The following DISC1 variants were observed in gnomAD, a reference collection of about 807,000 sequenced individuals.
The protein encoded by DISC1 is DISC1 scaffold protein.
In DISC1, 57 loss-of-function variants were observed where a neutral mutation model predicts 84.5. The ratio of observed to expected loss-of-function variants is 0.67; its 90% CI spans 0.55 to 0.84. The LOEUF is 0.84. Ranked by LOEUF, DISC1 falls within the 40% of genes least tolerant of loss-of-function variation. The pLI, the probability that DISC1 is intolerant of heterozygous loss-of-function variation, is 0.00. For missense variants in DISC1, 1,000 were observed against 1,057.8 expected, an observed-to-expected ratio of 0.95 and a Z score of 0.76; for synonymous variants, 411 against 415.2, an observed-to-expected ratio of 0.99 and a Z score of 0.12.
At chr1:231,688,283 C>T (rs530528214) in intron 1 of DISC1, among the ~76,000 whole-genome samples, 16 of 152,136 alleles carry the variant, frequency 1.1e-4, no homozygotes, top group Non-Finnish European at 1.9e-4. Context: ...GTTTGCTACT[C>T]TATTTCTAGT....
chr1:231,822,239 G>C (rs1350332224), intron 9 of DISC1, among the ~76,000 whole-genome samples: 1 of 152,180 alleles, frequency 6.6e-6, no homozygotes, highest in African/African-American at 2.4e-5. Flanking sequence ...CCTTATGCCA[G>C]CTGCCTGAGT....
chr1:231,848,770 C>T (rs1312676871), intron 9 of DISC1, among the ~76,000 whole-genome samples: 2 of 152,108 alleles, frequency 1.3e-5, no homozygotes, highest in African/African-American at 4.8e-5. Context: ...GGTGTTAATG[C>T]CCCCTTTCTT....
At chr1:232,010,079 G>A (rs1392837961) in intron 11 of DISC1, among the ~76,000 whole-genome samples, 4 of 152,132 alleles carry the variant, frequency 2.6e-5, no homozygotes, top group South Asian at 2.1e-4. Flanking sequence ...TTAGAAAATC[G>A]ATCCTTGATC....
In DISC1 at chr1:231,770,859, A is replaced by G; in HGVS notation, c.1423A>G (p.Arg475Gly). The G allele has an allele frequency of 6.2e-7, 1 of 1,614,210 alleles. No individual in the cohort carries two copies. The highest frequency in any genetic ancestry group is 1.1e-5 in the South Asian group (1 of 91,082). Residue 475 changes from arginine to glycine, a missense_variant, in exon 6 of 13, where the codon AGG becomes GGG. Physicochemically the swap from Arg to Gly is moderately radical, Grantham distance 125. Around this residue, in one of 3 missense-constraint regions of DISC1, gnomAD observed 311 missense variants for 400.1 expected, o/e 0.78. Transcript: ENST00000439617. ...LQKEIEALQA[R>G]MFVLEAKDQQ... ...GAAAGAAATCGAAGCTCTCCAAGCA[A>G]GGATGTTTGTGCTGGAAGCCAAAGA... is the stretch of plus-strand genomic sequence containing the variant.
At chr1:231,701,890 T>G (rs1038540213) in intron 2 of DISC1, 65 bp from the exon 3 acceptor site, 4 of 1,390,064 alleles carry the variant, frequency 2.9e-6, no homozygotes, top group Non-Finnish European at 3.9e-6. Context: ...GTTCTTAGTT[T>G]TCACAAAAAT....
intron 10 of DISC1, among the ~76,000 whole-genome samples, chr1:231,989,478 G>A (rs1036774592): frequency 2.0e-5 from 3 of 152,196 alleles, no homozygotes; most frequent in Admixed American, 6.5e-5. Context: ...GTAGGGAAGC[G>A]CATGTACATG....
intron 3 of DISC1, among the ~76,000 whole-genome samples, chr1:231,712,646 A>G (rs997743787): frequency 1.3e-5 from 2 of 152,356 alleles, no homozygotes; most frequent in Admixed American, 6.5e-5. Flanking sequence ...CTGGTCCCTG[A>G]TTACAGAGGG....
At chr1:231,868,868 G>C (rs185256321) in intron 9 of DISC1, among the ~76,000 whole-genome samples, 1 of 142,400 alleles carries the variant, frequency 7.0e-6, no homozygotes, top group Non-Finnish European at 1.5e-5. Flanking sequence ...TTGTGTGACA[G>C]AGTAAGACCC....
At chr1:231,882,434 T>C (rs995523416) in intron 9 of DISC1, among the ~76,000 whole-genome samples, 8 of 152,172 alleles carry the variant, frequency 5.3e-5, no homozygotes, top group Non-Finnish European at 1.2e-4. Context: ...TTGGAAATCT[T>C]TCAGAGAAAA....
chr1:231,879,832 A>G (rs566003039), intron 9 of DISC1, among the ~76,000 whole-genome samples: 10 of 152,276 alleles, frequency 6.6e-5, no homozygotes, highest in African/African-American at 2.4e-4. Context: ...ATTCTAGTGC[A>G]TTAAGAGTAC....
chr1:231,722,109 C>T (rs1433857565), intron 3 of DISC1, among the ~76,000 whole-genome samples: 2 of 146,066 alleles, frequency 1.4e-5, no homozygotes, highest in South Asian at 2.2e-4. Flanking sequence ...GCCAAGATCG[C>T]GCCACTGCAC....
At chr1:231,798,134 C>CACACACACACACAT (rs1460914129) in intron 7 of DISC1, among the ~76,000 whole-genome samples, 4 of 148,938 alleles carry the variant, frequency 2.7e-5, no homozygotes, top group Non-Finnish European at 2.9e-5. Flanking sequence ...CACACACACA[C>CACACACACACACAT]ATACACACAC....
chr1:231,640,192 C>T (rs1202723406), intron 1 of DISC1, among the ~76,000 whole-genome samples: 1 of 152,144 alleles, frequency 6.6e-6, no homozygotes, highest in Non-Finnish European at 1.5e-5. Flanking sequence ...CTTTCCCTCC[C>T]CTTCCCCTCT....
At chr1:231,922,158 G>A (rs1050060868) in intron 9 of DISC1, among the ~76,000 whole-genome samples, 8 of 152,068 alleles carry the variant, frequency 5.3e-5, no homozygotes, top group Admixed American at 2.0e-4. Context: ...TTCCTCATCC[G>A]TGACTAAAGA....
chr1:231,657,541 A>G (rs972052967), intron 1 of DISC1, among the ~76,000 whole-genome samples: 2 of 152,188 alleles, frequency 1.3e-5, no homozygotes, highest in African/African-American at 4.8e-5. Flanking sequence ...TGTTTTCATC[A>G]TGAAATCTTT....
chr1:232,033,688 T>G (rs994645499), intron 12 of DISC1, among the ~76,000 whole-genome samples: 1 of 137,836 alleles, frequency 7.3e-6, no homozygotes, highest in Non-Finnish European at 1.7e-5. Flanking sequence ...ATTTGAATGT[T>G]TGAATGAGTG....
chr1:231,978,913 G>A (rs553945822), intron 10 of DISC1, among the ~76,000 whole-genome samples: 8 of 152,296 alleles, frequency 5.3e-5, no homozygotes, highest in South Asian at 4.1e-4. Flanking sequence ...GTACCAGTCC[G>A]CGGCCTGTTG....
At chr1:231,767,408 C>A (rs1261186944) in intron 5 of DISC1, 139 bp downstream of exon 5, 1 of 1,297,146 alleles carries the variant, frequency 7.7e-7, no homozygotes, top group Non-Finnish European at 1.1e-6. Context: ...GTGATTCTCC[C>A]ACCTCAGCCT....
At chr1:231,840,789 G>A (rs1237278379) in intron 9 of DISC1, among the ~76,000 whole-genome samples, 2 of 151,848 alleles carry the variant, frequency 1.3e-5, no homozygotes, top group African/African-American at 4.8e-5. Flanking sequence ...CTCACTGCAA[G>A]CTCCGCCTCA....
Sources: allele counts gnomAD v4.1 joint callset (sites outside exome capture counted in the v4.1 genomes callset), GRCh38; gene constraint gnomAD v4.1.1; regional missense constraint gnomAD v4.1.1; transcripts MANE v1.5; gene names NCBI Gene and HGNC (gene_info 2026-07-23, HGNC 2026-07-21).